Variants in NOS1 observed in about 807,000 individuals in gnomAD.
NOS1 encodes nitric oxide synthase 1.
In NOS1, 51 loss-of-function variants were observed where a neutral mutation model predicts 164.5. The ratio of observed to expected loss-of-function variants is 0.31; its 90% confidence interval spans 0.25 to 0.39. The LOEUF (loss-of-function observed/expected upper bound fraction) is 0.39. Ranked by LOEUF, NOS1 falls within the 10% of genes least tolerant of loss-of-function variation. NOS1 has a pLI of 1.00. For missense variants in NOS1, 1,362 were observed against 1,885.6 expected, an observed-to-expected ratio of 0.72 and a Z score of 5.14; for synonymous variants, 719 against 745.8, an observed-to-expected ratio of 0.96 and a Z score of 0.59.
intron 12 of NOS1, among the ~76,000 whole-genome samples, chr12:117,264,537 TCCTC>T (rs927958845): frequency 7.7e-5 from 11 of 143,274 alleles, no homozygotes; most frequent in East Asian, 4.2e-4. Flanking sequence ...CTTCCTTCCT[TCCTC>T]CCTCCCTTCC....
At chr12:117,282,615 G>A (rs1184436075) in intron 7 of NOS1, among the ~76,000 whole-genome samples, 1 of 152,166 alleles carries the variant, frequency 6.6e-6, no homozygotes, top group Non-Finnish European at 1.5e-5. Flanking sequence ...TTCTGCTGGG[G>A]TGATGCATCA....
intron 1 of NOS1, among the ~76,000 whole-genome samples, chr12:117,337,139 G>A (rs112354279): frequency 0.36 from 40,721 of 114,466 alleles, 7,554 homozygotes; most frequent in Middle Eastern, 0.53. Context: ...TTTTTGAGAC[G>A]GAGTCTTGCT....
At position 117,222,755 on chromosome 12, in the gene NOS1, T is replaced by A; in HGVS notation, c.3935A>T (p.Glu1312Val). The change falls in exon 26 of 29, where the codon GAG becomes GTG. Residue 1312 changes from glutamate to valine, a missense_variant. This residue lies in a region of NOS1 where 737 missense variants were observed against 1,030.3 expected (regional missense o/e 0.72). Transcript: ENST00000317775. Reference protein sequence around the residue: ...LQAKNKGVFRELYTAYSREPD... With the variant: ...LQAKNKGVFRVLYTAYSREPD... ...CTCCCGGGAGTAAGCCGTGTACAGCTCTCTGAAGACCCCCTTGTTCTTGGC... is the reference window on the plus strand; with the variant it reads ...CTCCCGGGAGTAAGCCGTGTACAGCACTCTGAAGACCCCCTTGTTCTTGGC... 1 of 1,613,862 alleles carries A rather than the reference T, an allele frequency of 6.2e-7. No homozygotes were observed. The highest frequency in any genetic ancestry group is 8.5e-7 in the Non-Finnish European group (1 of 1,179,938).
intron 2 of NOS1, among the ~76,000 whole-genome samples, chr12:117,317,184 T>C (rs1566073493): frequency 6.6e-6 from 1 of 151,992 alleles, no homozygotes; most frequent in Admixed American, 6.6e-5. Context: ...CCTGGCCTGT[T>C]TTATTATTTA....
chr12:117,224,559 A>G (rs1441875594), intron 25 of NOS1, among the ~76,000 whole-genome samples: 1 of 152,202 alleles, frequency 6.6e-6, no homozygotes, highest in Admixed American at 6.5e-5. Flanking sequence ...TGCTGGGATT[A>G]CAGGCGTGAG....
In NOS1 at chr12:117,215,234, G is replaced by C. The variant is rs915979288; in HGVS notation, c.*75C>G. On this transcript the variant is annotated 3_prime_UTR_variant, in exon 29 of 29. Coordinates refer to ENST00000317775, the MANE Select transcript of NOS1 (RefSeq NM_000620.5). ...CAGGAGGCAGAGCGAGGGCCACAGG[G>C]GGTCCCAGAGGAAAGGTTCAGCAGT... 3 of 1,424,862 alleles carry C rather than the reference G, an allele frequency of 2.1e-6. No homozygotes were observed. Among genetic ancestry groups the C allele is most frequent in the Non-Finnish European group, 2.8e-6 (3 of 1,080,008 alleles). The allele number at this position is 1,424,862 out of a possible 1,614,324, so 88.3% of individuals were successfully genotyped here.
At chr12:117,242,099 T>G (rs563373508) in intron 20 of NOS1, among the ~76,000 whole-genome samples, 1 of 152,328 alleles carries the variant, frequency 6.6e-6, no homozygotes, top group East Asian at 1.9e-4. Flanking sequence ...TAGGAAGACA[T>G]GCTTTGGTTA....
At chr12:117,229,199 TTGAAACTGACATCACC>T (rs74263399) in intron 22 of NOS1, among the ~76,000 whole-genome samples, 2 of 152,192 alleles carry the variant, frequency 1.3e-5, no homozygotes, top group Non-Finnish European at 2.9e-5. Context: ...TCTCAACTCT[TTGAAACTGACATCACC>T]TGAAACTGAC....
At chr12:117,335,662 A>C (rs1272419620) in intron 1 of NOS1, among the ~76,000 whole-genome samples, 1 of 149,398 alleles carries the variant, frequency 6.7e-6, no homozygotes, top group African/African-American at 2.5e-5. Context: ...TTGAGAGCTT[A>C]CTGTGCACTA....
At chr12:117,287,657 T>C (rs1872797898) in intron 5 of NOS1, among the ~76,000 whole-genome samples, 1 of 152,242 alleles carries the variant, frequency 6.6e-6, no homozygotes. Flanking sequence ...CAGGCTGGTC[T>C]TGAATTCTTG....
chr12:117,290,138 C>T (rs1341550508), intron 4 of NOS1, among the ~76,000 whole-genome samples, 160 bp downstream of exon 4: 1 of 152,166 alleles, frequency 6.6e-6, no homozygotes, highest in African/African-American at 2.4e-5. Flanking sequence ...GTTGTCACAA[C>T]CTGGAAGGGG....
intron 3 of NOS1, 38 bp downstream of exon 3, chr12:117,311,428 T>G: frequency 6.4e-7 from 1 of 1,564,294 alleles, no homozygotes; most frequent in African/African-American, 1.3e-5. Flanking sequence ...CGAGAAGGCG[T>G]GGGAAGCAGT....
In NOS1 at chr12:117,208,467, CG is replaced by C. The variant is rs1956476362; in HGVS notation, c.*6841del. On this transcript the variant is annotated 3_prime_UTR_variant, in exon 29 of 29. Coordinates refer to ENST00000317775, the MANE Select transcript of NOS1 (RefSeq NM_000620.5). ...GCCCACCTCCCCAGCTTCCCAAGCC[CG>C]GAACGGACACTGCGACGTGGGGTGC... is the stretch of plus-strand genomic sequence containing the variant. 20 of 1,272,874 alleles carry C rather than the reference CG, an allele frequency of 1.6e-5. No individual in the cohort carries two copies. In the South Asian group the frequency reaches 2.3e-4, roughly 14 times the overall value. The allele number at this position is 1,272,874 out of a possible 1,614,324, so 78.8% of individuals were successfully genotyped here.
Position 117,211,903 on chromosome 12 carries a change from A to G in NOS1, c.*3406T>C. The G allele has an allele frequency of 1.3e-6, 1 of 771,478 alleles. No homozygotes were observed. The highest frequency in any genetic ancestry group is 1.6e-6 in the Non-Finnish European group (1 of 635,180). 47.8% of individuals were successfully genotyped at this position (771,478 alleles called of 1,614,324 possible). A position where few individuals can be genotyped will look rare whatever the true frequency, so the allele number is the denominator to read the frequency against. On this transcript the variant is annotated 3_prime_UTR_variant, in exon 29 of 29. Coordinates refer to ENST00000317775, the MANE Select transcript of NOS1 (RefSeq NM_000620.5). ...AACATGGTGAAACCCTGACTCTACT[A>G]AAAATACAAAACTTAGCTGGGCGTG...
In NOS1 at chr12:117,243,467, T is replaced by C. The variant is rs1256173887; in HGVS notation, c.2824-32A>G. 3.7e-6 allele frequency: 6 copies of C among 1,610,396 alleles called. No individual in the cohort carries two copies. Among genetic ancestry groups the C allele is most frequent in the Admixed American group, 1.7e-5 (1 of 59,772 alleles). On this transcript the variant is annotated intron_variant, in intron 18 of 28. Coordinates refer to ENST00000317775, the MANE Select transcript of NOS1 (RefSeq NM_000620.5). This position sits in a 1 kb window ranked among gnomAD's most constrained non-coding sequence, Gnocchi z 4.3. ...TGTACACAAGGCTTTCAGTGACCTC[T>C]TTCAGCCAAGCGGATCTCCTCTCCA...
chr12:117,271,888 C>T (rs1872815528), intron 10 of NOS1, among the ~76,000 whole-genome samples: 1 of 152,202 alleles, frequency 6.6e-6, no homozygotes, highest in African/African-American at 2.4e-5. Flanking sequence ...GGAACCACTG[C>T]CAACCCTCCT....
chr12:117,313,897 C>T (rs1286394001), intron 2 of NOS1, among the ~76,000 whole-genome samples: 1 of 152,248 alleles, frequency 6.6e-6, no homozygotes, highest in Non-Finnish European at 1.5e-5. Context: ...TGCCCTGTGG[C>T]TCATCTTGGT....
chr12:117,220,493 A>G (rs1956685958), intron 26 of NOS1, among the ~76,000 whole-genome samples: 1 of 152,200 alleles, frequency 6.6e-6, no homozygotes, highest in Admixed American at 6.5e-5. Flanking sequence ...CTCTTTGGAT[A>G]ACTGGAGCTC....
intron 13 of NOS1, among the ~76,000 whole-genome samples, chr12:117,261,919 C>T (rs528434671): frequency 5.3e-5 from 8 of 152,320 alleles, no homozygotes; most frequent in Middle Eastern, 6.8e-3. Flanking sequence ...TCCTTCTGCT[C>T]TACTGGGCAG....
Sources: allele counts gnomAD v4.1 joint callset (sites outside exome capture counted in the v4.1 genomes callset), GRCh38; gene constraint gnomAD v4.1.1; regional missense constraint gnomAD v4.1.1; non-coding constraint Gnocchi (gnomAD v3.1); transcripts MANE v1.5; gene names NCBI Gene and HGNC (gene_info 2026-07-23, HGNC 2026-07-21).